The following CLMN variants were observed in gnomAD, a reference collection of about 807,000 sequenced individuals.
The protein encoded by CLMN is calmin.
Under a neutral mutation model 92.7 loss-of-function variants are expected in CLMN, and 57 were observed. The observed-to-expected ratio is 0.61, with a 90% CI of 0.50 to 0.77. CLMN has a LOEUF of 0.77. Among genes scored for constraint, CLMN ranks in the 30% least tolerant of loss-of-function variants. The probability of loss-of-function intolerance (pLI) is 0.00; values close to 1 mark genes in which losing one functional copy is unlikely to be tolerated. For missense variants in CLMN, 1,158 were observed against 1,237.5 expected (o/e 0.94, Z 0.96); for synonymous variants, 466 against 470.6 (o/e 0.99, Z 0.13).
At position 95,259,707 on chromosome 14, in the gene CLMN, T is replaced by C. The variant is rs1474129959; in HGVS notation, c.83-29574A>G. Reference sequence around the variant, plus strand: ...CCTGTTCTGAACTATGGGCATCTGCTGTTGAGTTCACTGAGCACAAAAGTA... The same window carrying C: ...CCTGTTCTGAACTATGGGCATCTGCCGTTGAGTTCACTGAGCACAAAAGTA... On this transcript the variant is annotated intron_variant, in intron 1 of 12. Transcript: ENST00000298912. This position sits in a 1 kb window ranked among gnomAD's most constrained non-coding sequence, Gnocchi z 4.3. Among the ~76,000 whole-genome samples the C allele has an allele frequency of 6.6e-6, 1 of 152,172 alleles. No individual in the cohort carries two copies. The highest frequency in any genetic ancestry group is 1.5e-5 in the Non-Finnish European group (1 of 68,020).
intron 1 of CLMN, among the ~76,000 whole-genome samples, chr14:95,282,465 C>T (rs1900177312): frequency 6.6e-6 from 1 of 152,156 alleles, no homozygotes; most frequent in East Asian, 1.9e-4. Flanking sequence ...AGAGCAATAT[C>T]AGGAGAGAAA....
intron 4 of CLMN, among the ~76,000 whole-genome samples, chr14:95,220,051 T>C (rs1476812261): frequency 6.6e-6 from 1 of 152,078 alleles, no homozygotes; most frequent in African/African-American, 2.4e-5. Context: ...AATAGAATCA[T>C]ATAATAAGTG....
At chr14:95,278,748 T>C (rs1418843034) in intron 1 of CLMN, among the ~76,000 whole-genome samples, 1 of 152,208 alleles carries the variant, frequency 6.6e-6, no homozygotes, top group Non-Finnish European at 1.5e-5. Context: ...TTTGCATATT[T>C]GGATCAGAGA....
At chr14:95,248,931 T>G (rs1898676171) in intron 1 of CLMN, among the ~76,000 whole-genome samples, 1 of 152,228 alleles carries the variant, frequency 6.6e-6, no homozygotes, top group South Asian at 2.1e-4. Flanking sequence ...TAGTGCAGCA[T>G]TTCTGATCTT....
In CLMN at chr14:95,204,338, A is replaced by G; in HGVS notation, c.1011T>C (p.Thr337=). 1 of 1,614,148 alleles carries G rather than the reference A, an allele frequency of 6.2e-7. No homozygotes were observed. The highest frequency in any genetic ancestry group is 1.1e-5 in the South Asian group (1 of 91,080). Residue 337 remains threonine, a synonymous_variant, in exon 9 of 13, where the codon ACT becomes ACC. Coordinates refer to ENST00000298912, the MANE Select transcript of CLMN (RefSeq NM_024734.4). ...GTGGGTGGCTGGTTTCATGGTTAACAGTGTAGGTACGCTCCCCATTTTCAG... is the reference window on the plus strand; with the variant it reads ...GTGGGTGGCTGGTTTCATGGTTAACGGTGTAGGTACGCTCCCCATTTTCAG... ...VLTENGERTY[T]VNHETSHPPP...
chr14:95,258,128 G>C (rs1899079236), intron 1 of CLMN, among the ~76,000 whole-genome samples: 1 of 151,896 alleles, frequency 6.6e-6, no homozygotes, highest in Non-Finnish European at 1.5e-5. Flanking sequence ...GTGTTTATGT[G>C]TGTTTGTGTG....
intron 1 of CLMN, among the ~76,000 whole-genome samples, chr14:95,279,293 T>C (rs1900052558): frequency 6.6e-6 from 1 of 152,230 alleles, no homozygotes; most frequent in African/African-American, 2.4e-5. Flanking sequence ...GGTCAGATAT[T>C]AGGTTTGTTA....
At position 95,286,010 on chromosome 14, in the gene CLMN, G is replaced by A. The variant is rs1595095874; in HGVS notation, c.82+33701C>T. On this transcript the variant is annotated intron_variant, in intron 1 of 12. Transcript: ENST00000298912. ...CTCTGACCTATGGGAAGTGGAGGAGGAGGAGGAAGGGGAGAAGAGTGGAGA... is the reference window on the plus strand; with the variant it reads ...CTCTGACCTATGGGAAGTGGAGGAGAAGGAGGAAGGGGAGAAGAGTGGAGA... Among the ~76,000 whole-genome samples the A allele has an allele frequency of 3.3e-5, 5 of 152,310 alleles. No individual in the cohort carries two copies. In the South Asian group the frequency reaches 6.2e-4, roughly 19 times the overall value.
At chr14:95,280,606 T>C (rs1297720989) in intron 1 of CLMN, among the ~76,000 whole-genome samples, 3 of 152,194 alleles carry the variant, frequency 2.0e-5, no homozygotes, top group African/African-American at 7.2e-5. Context: ...CAAAATCTAA[T>C]TCTAAATTAA....
At chr14:95,272,590 C>T (rs1899755948) in intron 1 of CLMN, among the ~76,000 whole-genome samples, 1 of 152,192 alleles carries the variant, frequency 6.6e-6, no homozygotes, top group Admixed American at 6.5e-5. Context: ...GATATAGATT[C>T]ACATTTAGTA....
At position 95,187,161 on chromosome 14, in the gene CLMN, CCAGT is replaced by C. The variant is rs1162302384; in HGVS notation, c.*4399_*4402del. The C allele has an allele frequency of 1.3e-5, 2 of 152,432 alleles. No individual in the cohort carries two copies. The highest frequency in any genetic ancestry group is 2.4e-5 in the African/African-American group (1 of 41,570). The allele number at this position is 152,432 out of a possible 1,614,324, so 9.4% of individuals were successfully genotyped here. ...GCTGGACTCAGGGCACGTTCACAAA[CCAGT>C]CAGAGCAGCAAGCCCCCTAAGCAAC... On this transcript the variant is annotated 3_prime_UTR_variant, in exon 13 of 13. Transcript: ENST00000298912.
At chr14:95,223,006 T>A (rs542567547) in intron 3 of CLMN, among the ~76,000 whole-genome samples, 44 of 152,296 alleles carry the variant, frequency 2.9e-4, no homozygotes, top group Non-Finnish European at 5.1e-4. Context: ...AATCAAACAG[T>A]GGACTCTGGA....
chr14:95,216,265 C>T (rs1450523845), intron 4 of CLMN, among the ~76,000 whole-genome samples: 2 of 152,198 alleles, frequency 1.3e-5, no homozygotes, highest in Non-Finnish European at 2.9e-5. Flanking sequence ...ATCATGAGAA[C>T]AGCACATGAA....
chr14:95,271,399 A>T (rs1260138018), intron 1 of CLMN, among the ~76,000 whole-genome samples: 1 of 152,198 alleles, frequency 6.6e-6, no homozygotes, highest in Non-Finnish European at 1.5e-5. Context: ...ACCTGTCTAG[A>T]GAGGCCACAT....
Position 95,186,518 on chromosome 14 carries a change from AAC to A in CLMN, c.*5044_*5045del, listed in dbSNP as rs1896444022. 1 of 152,226 alleles carries A rather than the reference AAC, an allele frequency of 6.6e-6. No homozygotes were observed. The highest frequency in any genetic ancestry group is 1.5e-5 in the Non-Finnish European group (1 of 68,046). The allele number at this position is 152,226 out of a possible 1,614,324, so 9.4% of individuals were successfully genotyped here. ...CGACGAGGCAATGTTGGCCACGTTCAACAGAGAATCCGCGCTGTTTGTTTGCT... is the reference window on the plus strand; with the variant it reads ...CGACGAGGCAATGTTGGCCACGTTCAAGAGAATCCGCGCTGTTTGTTTGCT... On this transcript the variant is annotated 3_prime_UTR_variant, in exon 13 of 13. Transcript: ENST00000298912.
At chr14:95,260,923 C>T (rs935216508) in intron 1 of CLMN, among the ~76,000 whole-genome samples, 46 of 152,028 alleles carry the variant, frequency 3.0e-4, no homozygotes, top group African/African-American at 1.1e-3. Context: ...TTCCTGCAAA[C>T]CTCTGGTTAC....
chr14:95,276,936 GA>G (rs1174402968), intron 1 of CLMN, among the ~76,000 whole-genome samples: 2 of 101,254 alleles, frequency 2.0e-5, no homozygotes. Context: ...CCATAAAAGT[GA>G]AAAAGATGAT....
intron 2 of CLMN, among the ~76,000 whole-genome samples, chr14:95,227,306 G>C (rs547890643): frequency 6.6e-6 from 1 of 152,080 alleles, no homozygotes; most frequent in African/African-American, 2.4e-5. Flanking sequence ...AATTCCACCC[G>C]CAGGTGCACA....
At position 95,183,904 on chromosome 14, in the gene CLMN, G is replaced by C. The variant is rs1370504296; in HGVS notation, c.*7660C>G. The C allele has an allele frequency of 6.6e-6, 1 of 152,158 alleles. No homozygotes were observed. The highest frequency in any genetic ancestry group is 2.4e-5 in the African/African-American group (1 of 41,442). The allele number at this position is 152,158 out of a possible 1,614,324, so 9.4% of individuals were successfully genotyped here. On this transcript the variant is annotated 3_prime_UTR_variant, in exon 13 of 13. Coordinates refer to ENST00000298912, the MANE Select transcript of CLMN (RefSeq NM_024734.4). ...AACACCTCCCACGATTGTTCTAAGGGTCAAGTGAGTTAATGAGTAAACAAT... is the reference window on the plus strand; with the variant it reads ...AACACCTCCCACGATTGTTCTAAGGCTCAAGTGAGTTAATGAGTAAACAAT...
Sources: gnomAD v4.1 joint callset for allele counts (sites outside exome capture counted in the v4.1 genomes callset) on GRCh38, gnomAD v4.1.1 for gene constraint, Gnocchi (gnomAD v3.1) non-coding constraint, MANE v1.5 for transcripts, NCBI Gene and HGNC (gene_info 2026-07-23, HGNC 2026-07-21) for gene names.